Variants in WASF3 observed in about 807,000 individuals in gnomAD.
WASF3 encodes the protein actin-binding protein WASF3.
In WASF3, 11 loss-of-function variants were observed where a neutral mutation model predicts 46.6. The ratio of observed to expected loss-of-function variants is 0.24; its 90% CI spans 0.15 to 0.39. WASF3 has a LOEUF of 0.39. Ranked by LOEUF, WASF3 falls within the 10% of genes least tolerant of loss-of-function variation. WASF3 has a pLI of 1.00. For synonymous variants in WASF3, 242 were observed against 259.7 expected (o/e 0.93, Z 0.65); for missense variants, 576 against 669.8 (o/e 0.86, Z 1.55).
At chr13:26,561,760 C>G (rs948513000) in intron 1 of WASF3, among the ~76,000 whole-genome samples, 2 of 152,156 alleles carry the variant, frequency 1.3e-5, no homozygotes, top group African/African-American at 4.8e-5. Flanking sequence ...AGATTGCACT[C>G]CATTCCATTC....
At chr13:26,636,890 T>C (rs1050962630) in intron 2 of WASF3, among the ~76,000 whole-genome samples, 3 of 152,206 alleles carry the variant, frequency 2.0e-5, no homozygotes, top group African/African-American at 4.8e-5. Flanking sequence ...ATGCAAGATA[T>C]AACAAATTGT....
chr13:26,685,604 A>G, intron 9 of WASF3, 84 bp from the exon 10 acceptor site: 1 of 1,513,096 alleles, frequency 6.6e-7, no homozygotes, highest in South Asian at 1.3e-5. Context: ...TAGAAAAAAA[A>G]GTCCAATAGA....
chr13:26,550,096 T>C, the WASF3 span, among the ~76,000 whole-genome samples: 3 of 152,340 alleles, frequency 2.0e-5, no homozygotes, highest in East Asian at 5.8e-4. Context: ...GCAATAGCTA[T>C]TCAATTTTTG....
intron 3 of WASF3, among the ~76,000 whole-genome samples, chr13:26,644,980 T>G (rs9319312): frequency 0.1 from 15,703 of 152,156 alleles, 956 homozygotes; most frequent in Middle Eastern, 0.22. Flanking sequence ...TCAGGTTCGT[T>G]GAGTGCATCT....
intron 4 of WASF3, among the ~76,000 whole-genome samples, chr13:26,666,866 C>CAAAA (rs1168774717): frequency 0.014 from 890 of 62,290 alleles, 15 homozygotes; most frequent in Middle Eastern, 0.022. Flanking sequence ...AAGACTGTCT[C>CAAAA]AAAAAAAAAA....
intron 3 of WASF3, among the ~76,000 whole-genome samples, chr13:26,662,610 C>G (rs1372051975): frequency 6.6e-6 from 1 of 152,162 alleles, no homozygotes; most frequent in African/African-American, 2.4e-5. Flanking sequence ...TACGCATAGA[C>G]ATAAAAATGG....
intron 1 of WASF3, among the ~76,000 whole-genome samples, chr13:26,611,518 T>G (rs186515457): frequency 2.8e-4 from 42 of 152,176 alleles, no homozygotes; most frequent in African/African-American, 1.0e-3. Flanking sequence ...TCCTTAGGCA[T>G]AGTTAGCTGG....
intron 1 of WASF3, among the ~76,000 whole-genome samples, chr13:26,607,372 G>A (rs186054593): frequency 9.9e-5 from 15 of 152,270 alleles, no homozygotes; most frequent in African/African-American, 3.6e-4. Context: ...ACCTCATTCT[G>A]TAAAACAGGA....
In WASF3 at chr13:26,675,650, C is replaced by CTGTGTGTGTGTGTGTGTGTGTGTGTGTG. The variant is rs35156420; in HGVS notation, c.541-876_541-875insGTGTGTGTGTGTGTGTGTGTGTGTGTGT. Among the ~76,000 whole-genome samples the CTGTGTGTGTGTGTGTGTGTGTGTGTGTG allele has an allele frequency of 7.8e-3, 1,144 of 146,998 alleles. 13 individuals are homozygous for CTGTGTGTGTGTGTGTGTGTGTGTGTGTG. Among genetic ancestry groups the CTGTGTGTGTGTGTGTGTGTGTGTGTGTG allele is most frequent in the African/African-American group, 0.013 (529 of 39,386 alleles). On this transcript the variant is annotated intron_variant, in intron 6 of 9. Coordinates refer to ENST00000335327, the MANE Select transcript of WASF3 (RefSeq NM_006646.6). ...GGCTCCATGAGCACAGATGCCATGT[C>CTGTGTGTGTGTGTGTGTGTGTGTGTGTG]TGTGTGTGTGTGTGTGTGTGTGTTT...
chr13:26,554,037 T>TTCC (rs1429148429), upstream of WASF3, among the ~76,000 whole-genome samples: 3 of 50,808 alleles, frequency 5.9e-5, no homozygotes, highest in Non-Finnish European at 1.1e-4. Context: ...TTCTTTCTCT[T>TTCC]TCTTTCCTTC....
At chr13:26,619,247 C>T (rs1881231586) in intron 2 of WASF3, among the ~76,000 whole-genome samples, 1 of 152,208 alleles carries the variant, frequency 6.6e-6, no homozygotes, top group Non-Finnish European at 1.5e-5. Context: ...TTAGCATATG[C>T]TGCAGCCTTA....
At chr13:26,603,043 G>A (rs1278482868) in intron 1 of WASF3, among the ~76,000 whole-genome samples, 1 of 152,176 alleles carries the variant, frequency 6.6e-6, no homozygotes, top group Non-Finnish European at 1.5e-5. Flanking sequence ...AGCTTGAAGA[G>A]GAAGGCGATA....
chr13:26,628,366 A>G (rs114603248), intron 2 of WASF3, among the ~76,000 whole-genome samples: 2,563 of 152,316 alleles, frequency 0.017, 37 homozygotes, highest in African/African-American at 0.045. Flanking sequence ...ACCATGAGAA[A>G]GAGTTTGCAG....
chr13:26,603,260 T>G lies in WASF3; in HGVS notation c.-108-9701T>G, dbSNP rs565289025. ...ACCTTTTGTAGGGGTTGGACTGTAG[T>G]TAATGTGAGGACAGATTAGAAAATC... On this transcript the variant is annotated intron_variant, in intron 1 of 9. Coordinates refer to ENST00000335327, the MANE Select transcript of WASF3 (RefSeq NM_006646.6). Among the ~76,000 whole-genome samples, 145 of 152,180 alleles carry G rather than the reference T, an allele frequency of 9.5e-4. 1 individual carries two copies. The highest frequency in any genetic ancestry group is 3.4e-3 in the African/African-American group (141 of 41,518).
the WASF3 span, among the ~76,000 whole-genome samples, chr13:26,544,671 A>AT: frequency 2.6e-5 from 4 of 152,200 alleles, no homozygotes; most frequent in Non-Finnish European, 5.9e-5. Flanking sequence ...AGAATCTGGC[A>AT]TTGTTTCCCT....
rs142053895 is a variant in WASF3 at position 26,644,658 on chromosome 13, G to A, written c.133+2255G>A. On this transcript the variant is annotated intron_variant, in intron 3 of 9. Coordinates refer to ENST00000335327, the MANE Select transcript of WASF3 (RefSeq NM_006646.6). Reference sequence around the variant, plus strand: ...TGAGTCAGATCCTTTCAGGAAGTTCGAACTAAGAAATGCAGTGAATTTGCT... The same window carrying A: ...TGAGTCAGATCCTTTCAGGAAGTTCAAACTAAGAAATGCAGTGAATTTGCT... Among the ~76,000 whole-genome samples, 240 of 152,222 alleles carry A rather than the reference G, an allele frequency of 1.6e-3. 1 individual carries two copies. The highest frequency in any genetic ancestry group is 5.7e-3 in the African/African-American group (236 of 41,534).
intron 2 of WASF3, chr13:26,619,536 A>G (rs1425491526): frequency 1.3e-5 from 2 of 152,236 alleles, no homozygotes; most frequent in African/African-American, 4.8e-5. Flanking sequence ...GGATACAAAT[A>G]TCTGGGTCAA....
At chr13:26,635,268 T>G (rs1454947010) in intron 2 of WASF3, among the ~76,000 whole-genome samples, 1 of 152,236 alleles carries the variant, frequency 6.6e-6, no homozygotes, top group Non-Finnish European at 1.5e-5. Flanking sequence ...TTTCTTTCAC[T>G]TGATTGAATC....
chr13:26,631,158 A>G (rs1881639109), intron 2 of WASF3, among the ~76,000 whole-genome samples: 1 of 152,152 alleles, frequency 6.6e-6, no homozygotes, highest in Non-Finnish European at 1.5e-5. Flanking sequence ...CTTTAGTTTA[A>G]TTAGATCCCA....
Sources: gnomAD v4.1 joint callset for allele counts (sites outside exome capture counted in the v4.1 genomes callset) on GRCh38, gnomAD v4.1.1 for gene constraint, MANE v1.5 for transcripts, NCBI Gene and HGNC (gene_info 2026-07-23, HGNC 2026-07-21) for gene names.